Variants in STT3A observed in about 807,000 individuals in gnomAD.
STT3A encodes STT3 oligosaccharyltransferase complex catalytic subunit A, also known as dolichyl-diphosphooligosaccharide--protein glycosyltransferase subunit STT3A.
A neutral mutation model predicts 89.2 loss-of-function variants in STT3A; 34 were observed. That is an observed-to-expected ratio of 0.38 (90% CI 0.29 to 0.51). The LOEUF is 0.51. Among genes scored for constraint, STT3A ranks in the 20% least tolerant of loss-of-function variants. The pLI is 0.89. For synonymous variants in STT3A, 282 were observed against 310.3 expected (o/e 0.91, Z 0.96); for missense variants, 555 against 889.5 (o/e 0.62, Z 4.78).
chr11:125,606,771 C>G (rs958062700), intron 8 of STT3A, among the ~76,000 whole-genome samples: 1 of 152,308 alleles, frequency 6.6e-6, no homozygotes, highest in South Asian at 2.1e-4. Context: ...TTCCAGTCTT[C>G]TTAATGCAGA....
At chr11:125,618,279 A>T in intron 15 of STT3A, 94 bp from the exon 16 acceptor site, 1 of 1,184,332 alleles carries the variant, frequency 8.4e-7, no homozygotes, top group Non-Finnish European at 1.2e-6. Context: ...AATCCCCATT[A>T]AAAAAATGTT....
At chr11:125,612,791 GTGTGTGTA>G in intron 12 of STT3A, 44 bp downstream of exon 12, 4 of 1,599,774 alleles carry the variant, frequency 2.5e-6, no homozygotes, top group Middle Eastern at 1.7e-4. Flanking sequence ...CTCTGTGTGT[GTGTGTGTA>G]TGTGTGTATG....
intron 8 of STT3A, among the ~76,000 whole-genome samples, chr11:125,606,722 TAGTTG>T (rs1244006191): frequency 1.3e-5 from 2 of 152,182 alleles, no homozygotes; most frequent in African/African-American, 4.8e-5. Context: ...GAGGGATATT[TAGTTG>T]AGTTGAGTTT....
chr11:125,615,128 G>A (rs949849026), intron 15 of STT3A, among the ~76,000 whole-genome samples: 3 of 152,090 alleles, frequency 2.0e-5, no homozygotes, highest in Non-Finnish European at 4.4e-5. Context: ...TTAGCCAGGC[G>A]TAGTGGCACA....
At chr11:125,608,884 CTT>C (rs1230519393) in intron 9 of STT3A, among the ~76,000 whole-genome samples, 7 of 148,662 alleles carry the variant, frequency 4.7e-5, no homozygotes, top group African/African-American at 1.8e-4. Flanking sequence ...AATCTTTCTC[CTT>C]TTTCTTTCTT....
At position 125,620,080 on chromosome 11, in the gene STT3A, T is replaced by C; in HGVS notation, c.2033T>C (p.Leu678Pro). ...IGNKDFELDV[L>P]EEAYTTEHWL... ...AATAAAGACTTTGAGCTTGATGTCCTGGAGGAAGCATATACCACAGAACAT... is the reference window on the plus strand; with the variant it reads ...AATAAAGACTTTGAGCTTGATGTCCCGGAGGAAGCATATACCACAGAACAT... The change falls in exon 17 of 18, where the codon CTG (leucine) becomes CCG (proline). Residue 678 changes from leucine to proline, a missense_variant. Around this residue, in one of 5 missense-constraint regions of STT3A, gnomAD observed 273 missense variants for 449.8 expected, o/e 0.61. Transcript: ENST00000392708. 6.2e-7 allele frequency: 1 copy of C among 1,614,160 alleles called. No individual in the cohort carries two copies. The highest frequency in any genetic ancestry group is 1.1e-5 in the South Asian group (1 of 91,080).
At chr11:125,618,605 G>A in intron 16 of STT3A, 44 bp downstream of exon 16, 3 of 1,536,954 alleles carry the variant, frequency 2.0e-6, no homozygotes, top group Non-Finnish European at 2.7e-6. Flanking sequence ...TAATAATAGT[G>A]ATTACTAATA....
intron 7 of STT3A, 60 bp downstream of exon 7, chr11:125,605,795 G>T: frequency 1.4e-6 from 2 of 1,412,214 alleles, no homozygotes; most frequent in Non-Finnish European, 2.0e-6. Context: ...TTTCCTATGG[G>T]TACTTATTGT....
intron 1 of STT3A, chr11:125,594,992 T>C (rs1036729392): frequency 6.6e-6 from 1 of 152,170 alleles, no homozygotes; most frequent in African/African-American, 2.4e-5. Flanking sequence ...TTTGAGTGCA[T>C]GATTGTACCT....
rs1939896070 is a variant in STT3A at position 125,608,304 on chromosome 11, C to G, written c.961+15C>G. Reference sequence around the variant, plus strand: ...CATGCTGACAGGTAGGGAAGGCTCACAGCTTTTTTCCTTTTTTCTTTTTTT... The same window carrying G: ...CATGCTGACAGGTAGGGAAGGCTCAGAGCTTTTTTCCTTTTTTCTTTTTTT... On this transcript the variant is annotated intron_variant, in intron 9 of 17. Transcript: ENST00000392708. 1 of 1,572,508 alleles carries G rather than the reference C, an allele frequency of 6.4e-7. No homozygotes were observed. Among genetic ancestry groups the G allele is most frequent in the Non-Finnish European group, 8.6e-7 (1 of 1,165,730 alleles).
chr11:125,592,460 C>T (rs1359841884), upstream of STT3A: 2 of 456,194 alleles, frequency 4.4e-6, no homozygotes, highest in African/African-American at 2.0e-5. Flanking sequence ...TTCCGAGTTA[C>T]TGGGACTTGG....
intron 15 of STT3A, among the ~76,000 whole-genome samples, chr11:125,617,960 T>C (rs529869919): frequency 6.6e-6 from 1 of 152,370 alleles, no homozygotes; most frequent in Non-Finnish European, 1.5e-5. Context: ...TTGTTTTTTT[T>C]ACTAACTTTT....
At chr11:125,609,871 T>G (rs1939950324) in intron 10 of STT3A, 3 of 374,070 alleles carry the variant, frequency 8.0e-6, no homozygotes, top group Non-Finnish European at 1.4e-5. Flanking sequence ...TTGTTTTGTT[T>G]TGTTTGAGTA....
At chr11:125,604,047 T>C (rs1939765411) in intron 5 of STT3A, 110 bp from the exon 6 acceptor site, 3 of 1,132,154 alleles carry the variant, frequency 2.6e-6, no homozygotes, top group African/African-American at 3.1e-5. Flanking sequence ...ACCTTCGAAA[T>C]TGTTGGACTG....
At chr11:125,608,063 T>G in intron 8 of STT3A, 46 bp from the exon 9 acceptor site, 2 of 1,531,156 alleles carry the variant, frequency 1.3e-6, no homozygotes, top group Non-Finnish European at 1.8e-6. Flanking sequence ...CTGGACTTAC[T>G]CATTTTTTTT....
Position 125,613,328 on chromosome 11 carries a change from C to T in STT3A, c.1554+151C>T, listed in dbSNP as rs543424063. ...GTCTTGAATGAGCCTTAAAGGTGAACCTCCATTCAATTCTGGGATCTTTTG... is the reference window on the plus strand; with the variant it reads ...GTCTTGAATGAGCCTTAAAGGTGAATCTCCATTCAATTCTGGGATCTTTTG... On this transcript the variant is annotated intron_variant, in intron 13 of 17. Coordinates refer to ENST00000392708, the MANE Select transcript of STT3A (RefSeq NM_152713.5). This position sits in a 1 kb window ranked among gnomAD's most constrained non-coding sequence, Gnocchi z 4.2. 2.6e-6 allele frequency: 2 copies of T among 781,694 alleles called. No individual in the cohort carries two copies. Among genetic ancestry groups the T allele is most frequent in the African/African-American group, 1.7e-5 (1 of 57,548 alleles). 48.4% of individuals were successfully genotyped at this position (781,694 alleles called of 1,614,324 possible).
chr11:125,615,817 T>G (rs1048906839), intron 15 of STT3A, among the ~76,000 whole-genome samples: 1 of 152,104 alleles, frequency 6.6e-6, no homozygotes, highest in African/African-American at 2.4e-5. Context: ...TTGGGAAGAC[T>G]CTTGAGGTCA....
chr11:125,601,133 T>TGAG (rs1205075183), intron 3 of STT3A, among the ~76,000 whole-genome samples: 3 of 152,216 alleles, frequency 2.0e-5, no homozygotes, highest in Non-Finnish European at 4.4e-5. Context: ...AAGAAGCATT[T>TGAG]TAGATAACCA....
rs1390353284 is a variant in STT3A, at chr11:125,612,616, C to T, written c.1234C>T (p.Pro412Ser). The T allele has an allele frequency of 6.2e-7, 1 of 1,613,926 alleles. No homozygotes were observed. Among genetic ancestry groups the T allele is most frequent in the African/African-American group, 1.3e-5 (1 of 74,888 alleles). The part of the protein sequence containing the change: ...VMVRLMLVLA[P>S]VMCILSGIGV... ...GGTGCGTCTAATGCTAGTGTTGGCA[C>T]CTGTTATGTGCATTCTCTCTGGCAT... The change falls in exon 12 of 18, where the codon CCT becomes TCT. Residue 412 changes from proline (P) to serine (S), a missense_variant. Coordinates refer to ENST00000392708, the MANE Select transcript of STT3A (RefSeq NM_152713.5).
Sources: allele counts gnomAD v4.1 joint callset (sites outside exome capture counted in the v4.1 genomes callset), GRCh38; gene constraint gnomAD v4.1.1; regional missense constraint gnomAD v4.1.1; non-coding constraint Gnocchi (gnomAD v3.1); transcripts MANE v1.5; gene names NCBI Gene and HGNC (gene_info 2026-07-23, HGNC 2026-07-21).